Variants in IRGM observed in about 807,000 individuals in gnomAD.
IRGM encodes the protein immunity-related GTPase family M protein.
For missense variants in IRGM, 288 were observed against 219.9 expected (o/e 1.31, Z -1.96); for synonymous variants, 98 against 80.6 (o/e 1.22, Z -1.16).
Position 150,862,278 on chromosome 5 carries a change from T to A in IRGM, c.158+13624T>A, listed in dbSNP as rs150403664. ...GAGGAAGTCCTAGTAAGACACAGGA[T>A]ATAATCTTACGTAATGTAGTCACAG... On this transcript the variant is annotated intron_variant and NMD_transcript_variant, in intron 1 of 3. Transcript: ENST00000520549. Among the ~76,000 whole-genome samples the A allele has an allele frequency of 9.5e-4, 144 of 152,362 alleles. 1 individual carries two copies. Among genetic ancestry groups the A allele is most frequent in the African/African-American group, 3.3e-3 (138 of 41,586 alleles).
chr5:150,854,992 T>A (rs934214561), intron 1 of IRGM, among the ~76,000 whole-genome samples: 3 of 152,210 alleles, frequency 2.0e-5, no homozygotes, highest in Admixed American at 1.3e-4. Context: ...GCTCTTTTTT[T>A]CTGACTGTTT....
intron 3 of IRGM, among the ~76,000 whole-genome samples, chr5:150,882,358 C>T (rs373523800): frequency 2.8e-4 from 42 of 152,078 alleles, no homozygotes; most frequent in Non-Finnish European, 4.6e-4. Context: ...AATGATAGTA[C>T]TAACTTCTTA....
intron 3 of IRGM, chr5:150,895,440 G>C: frequency 6.2e-7 from 1 of 1,603,932 alleles, no homozygotes; most frequent in Non-Finnish European, 8.5e-7. Flanking sequence ...TTTTACCACT[G>C]TGTGAATTCT....
rs1753908956 is a variant in IRGM at position 150,848,212 on chromosome 5, C to T, written c.89C>T (p.Ser30Phe). The change falls in exon 2 of 2, where the codon TCC becomes TTC. Residue 30 changes from serine to phenylalanine, a missense_variant. Coordinates refer to ENST00000522154, the MANE Select transcript of IRGM (RefSeq NM_001145805.2). ...SNIKETLKIV[S>F]RTPVNITMAG... ...ATCAAGGAGACTCTGAAGATAGTGT[C>T]CAGGACACCAGTTAACATCACTATG... 15 of 1,551,740 alleles carry T rather than the reference C, an allele frequency of 9.7e-6. No individual in the cohort carries two copies. In the East Asian group the frequency reaches 2.7e-4, roughly 28 times the overall value.
At chr5:150,860,240 A>C (rs562498147) in intron 1 of IRGM, among the ~76,000 whole-genome samples, 8 of 152,256 alleles carry the variant, frequency 5.3e-5, no homozygotes, top group Non-Finnish European at 1.0e-4. Flanking sequence ...TTTATGATAC[A>C]GTGTAAAACA....
chr5:150,896,598 T>C, intron 3 of IRGM: 1 of 1,613,726 alleles, frequency 6.2e-7, no homozygotes, highest in Non-Finnish European at 8.5e-7. Context: ...TCCAAAACTC[T>C]GATCAGGTTT....
intron 1 of IRGM, among the ~76,000 whole-genome samples, chr5:150,863,949 C>T (rs1754170929): frequency 6.6e-6 from 1 of 152,184 alleles, no homozygotes; most frequent in South Asian, 2.1e-4. Context: ...CTGTCAAAGG[C>T]CTCATGATCC....
At chr5:150,869,758 A>C (rs1754256056) in intron 1 of IRGM, among the ~76,000 whole-genome samples, 1 of 152,104 alleles carries the variant, frequency 6.6e-6, no homozygotes, top group Non-Finnish European at 1.5e-5. Context: ...CTCATGAGGC[A>C]CCCACTTATC....
intron 3 of IRGM, among the ~76,000 whole-genome samples, chr5:150,885,141 A>C (rs1754499057): frequency 6.6e-6 from 1 of 152,114 alleles, no homozygotes; most frequent in African/African-American, 2.4e-5. Flanking sequence ...ATGGATAGCC[A>C]GTTTATTAAC....
At chr5:150,867,998 C>T (rs779371754) in intron 1 of IRGM, among the ~76,000 whole-genome samples, 1 of 151,734 alleles carries the variant, frequency 6.6e-6, no homozygotes, top group Non-Finnish European at 1.5e-5. Flanking sequence ...AATTATTTAT[C>T]TTGGCTTTTG....
At chr5:150,860,139 C>A (rs893654208) in intron 1 of IRGM, among the ~76,000 whole-genome samples, 1 of 152,162 alleles carries the variant, frequency 6.6e-6, no homozygotes, top group Non-Finnish European at 1.5e-5. Context: ...TGCAATGTCA[C>A]AATTTAAACG....
intron 3 of IRGM, chr5:150,896,468 A>G (rs1456387903): frequency 1.9e-6 from 3 of 1,613,522 alleles, no homozygotes. Flanking sequence ...TCTGATATTG[A>G]ATAAGGGATT....
chr5:150,860,922 A>G (rs2113264240), intron 1 of IRGM, among the ~76,000 whole-genome samples: 1 of 152,288 alleles, frequency 6.6e-6, no homozygotes, highest in South Asian at 2.1e-4. Flanking sequence ...ATGGTATTGT[A>G]TAGTTTAAAT....
chr5:150,860,832 T>C (rs1754125917), intron 1 of IRGM, among the ~76,000 whole-genome samples: 1 of 152,242 alleles, frequency 6.6e-6, no homozygotes. Flanking sequence ...TTATGTTAAC[T>C]TAGTTCTCCC....
At chr5:150,898,577 A>T (rs1450715060) in intron 3 of IRGM, 1 of 1,561,896 alleles carries the variant, frequency 6.4e-7, no homozygotes, top group African/African-American at 1.4e-5. Flanking sequence ...ATTCCTGTTC[A>T]ATCTGAAATG....
At chr5:150,850,656 G>A (rs1022617287), downstream of IRGM, among the ~76,000 whole-genome samples, 1 of 152,154 alleles carries the variant, frequency 6.6e-6, no homozygotes, top group African/African-American at 2.4e-5. Flanking sequence ...CGAACTCATG[G>A]TATCTTCCTG....
At chr5:150,898,149 ACT>A in intron 3 of IRGM, 2 of 1,613,600 alleles carry the variant, frequency 1.2e-6, no homozygotes, top group Non-Finnish European at 1.7e-6. Flanking sequence ...CCTTGTTCCA[ACT>A]TGGAGATGAC....
At chr5:150,850,410 G>A (rs527975071), downstream of IRGM, among the ~76,000 whole-genome samples, 2 of 152,140 alleles carry the variant, frequency 1.3e-5, no homozygotes, top group Non-Finnish European at 2.9e-5. Context: ...TAGGTTGTTA[G>A]ACATTATTTA....
At chr5:150,891,931 AC>A (rs1754615754) in intron 3 of IRGM, among the ~76,000 whole-genome samples, 1 of 152,104 alleles carries the variant, frequency 6.6e-6, no homozygotes, top group South Asian at 2.1e-4. Context: ...AGTATCATCA[AC>A]CAGAACACAA....
Sources: allele counts gnomAD v4.1 joint callset (sites outside exome capture counted in the v4.1 genomes callset), GRCh38; gene constraint gnomAD v4.1.1; transcripts MANE v1.5; gene names NCBI Gene and HGNC (gene_info 2026-07-23, HGNC 2026-07-21).